ZNF516: variants seen among roughly 807,000 people sequenced by gnomAD.
ZNF516 encodes the protein zinc finger protein 516.
Under a neutral mutation model 79.7 loss-of-function variants are expected in ZNF516, and 19 were observed. The observed-to-expected ratio is 0.24, with a 90% CI of 0.17 to 0.35. The LOEUF (loss-of-function observed/expected upper bound fraction) is 0.35. Ranked by LOEUF, ZNF516 falls within the 10% of genes least tolerant of loss-of-function variation. The pLI is 1.00. For synonymous variants in ZNF516, 877 were observed against 739.5 expected (o/e 1.19, Z -3.02); for missense variants, 1,678 against 1,679.5 (o/e 1.00, Z 0.02).
intron 1 of ZNF516, among the ~76,000 whole-genome samples, chr18:76,469,940 C>T (rs1229785701): frequency 1.3e-5 from 2 of 152,146 alleles, no homozygotes; most frequent in East Asian, 1.9e-4. Flanking sequence ...TAAAATTGTA[C>T]TCAGGAAATC....
chr18:76,362,767 G>A (rs1374953371), intron 6 of ZNF516, among the ~76,000 whole-genome samples: 2 of 152,166 alleles, frequency 1.3e-5, no homozygotes, highest in Non-Finnish European at 2.9e-5. Flanking sequence ...GTGCCTTCCT[G>A]CCTTAAAGAG....
chr18:76,421,496 C>T (rs1415053101), intron 3 of ZNF516, among the ~76,000 whole-genome samples: 2 of 152,204 alleles, frequency 1.3e-5, no homozygotes, highest in South Asian at 2.1e-4. Flanking sequence ...GCTGAGCCCC[C>T]GTGAGTTCTG....
intron 6 of ZNF516, among the ~76,000 whole-genome samples, chr18:76,366,751 C>T (rs185624055): frequency 3.0e-4 from 46 of 152,318 alleles, no homozygotes; most frequent in Non-Finnish European, 6.0e-4. Context: ...GACAAGAGGT[C>T]ACACTGAATG....
intron 3 of ZNF516, among the ~76,000 whole-genome samples, chr18:76,438,409 T>C (rs1027045986): frequency 4.6e-5 from 7 of 152,194 alleles, no homozygotes; most frequent in Non-Finnish European, 1.5e-5. Context: ...TTAGATGCCC[T>C]TTCACCCCTC....
chr18:76,441,259 G>T lies in ZNF516; in HGVS notation c.1796C>A (p.Pro599His). ...AAEDSGEEGA[P>H]EPAPGGQPRR... ...CACTTGCTCACCTGGTGCAGGTTCA[G>T]GGGCGCCCTCCTCACCACTGTCTTC... Residue 599 changes from proline to histidine, a missense_variant, in exon 3 of 7, where the codon CCT becomes CAT. By Grantham distance (77) the Pro-to-His change is moderately conservative (BLOSUM62 -2). Around this residue, in one of 5 missense-constraint regions of ZNF516, gnomAD observed 1,294 missense variants for 1,248.3 expected, o/e 1.04. Coordinates refer to ENST00000443185, the MANE Select transcript of ZNF516 (RefSeq NM_014643.4). 1 of 1,610,102 alleles carries T rather than the reference G, an allele frequency of 6.2e-7. No homozygotes were observed. Among genetic ancestry groups the T allele is most frequent in the Non-Finnish European group, 8.5e-7 (1 of 1,179,042 alleles).
At chr18:76,402,581 A>G (rs545338016) in intron 3 of ZNF516, among the ~76,000 whole-genome samples, 1 of 152,280 alleles carries the variant, frequency 6.6e-6, no homozygotes, top group East Asian at 1.9e-4. Context: ...CTTCTCCAAG[A>G]ACACAACTTA....
At chr18:76,487,986 G>A (rs937234350) in intron 1 of ZNF516, 5 of 985,246 alleles carry the variant, frequency 5.1e-6, no homozygotes, top group Non-Finnish European at 4.8e-6. Flanking sequence ...CCAGCCCAAG[G>A]GGAACCTAAC....
At chr18:76,449,060 T>C (rs1912238080) in intron 2 of ZNF516, among the ~76,000 whole-genome samples, 1 of 152,042 alleles carries the variant, frequency 6.6e-6, no homozygotes, top group African/African-American at 2.4e-5. Flanking sequence ...TCCCTCCCCA[T>C]CTCAGCAGTG....
chr18:76,377,668 G>A (rs1475650186), intron 4 of ZNF516, among the ~76,000 whole-genome samples: 1 of 151,866 alleles, frequency 6.6e-6, no homozygotes, highest in Non-Finnish European at 1.5e-5. Context: ...CTGGATCTCA[G>A]ATGTTCTAAT....
At position 76,380,098 on chromosome 18, in the gene ZNF516, G is replaced by A. The variant is rs767779588; in HGVS notation, c.2016C>T (p.Asp672=). The A allele has an allele frequency of 1.9e-6, 3 of 1,613,816 alleles. No individual in the cohort carries two copies. The highest frequency in any genetic ancestry group is 2.5e-6 in the Non-Finnish European group (3 of 1,179,896). The change falls in exon 4 of 7, where the codon GAC becomes GAT. Residue 672 remains aspartate, a synonymous_variant. Transcript: ENST00000443185. ...TGGGGTGAAATGCTGGCATCTTTAA[G>A]TCCATAGAAAATCTGTGCTGCTCTT... ...RRQEQHRFSM[D]LKMPAFHPKQ...
Position 76,379,980 on chromosome 18 carries a change from C to T in ZNF516, c.2134G>A (p.Asp712Asn), listed in dbSNP as rs553006020. The T allele has an allele frequency of 6.2e-6, 10 of 1,613,980 alleles. No individual in the cohort carries two copies. The highest frequency in any genetic ancestry group is 4.5e-5 in the East Asian group (2 of 44,868). Residue 712 changes from aspartate (D) to asparagine (N), a missense_variant, in exon 4 of 7, where the codon GAT (aspartate) becomes AAT (asparagine). Asp to Asn is a conservative substitution (Grantham distance 23, BLOSUM62 1). Coordinates refer to ENST00000443185, the MANE Select transcript of ZNF516 (RefSeq NM_014643.4). ...CCAGAGTGTTCCTTGTTGTGCAAATCGGACAGCTTTTCTGCAGGGTGACCC... is the reference window on the plus strand; with the variant it reads ...CCAGAGTGTTCCTTGTTGTGCAAATTGGACAGCTTTTCTGCAGGGTGACCC... ...QTGHPAEKLS[D>N]LHNKEHSGGG...
At chr18:76,418,341 G>A (rs1293316994) in intron 3 of ZNF516, among the ~76,000 whole-genome samples, 2 of 151,132 alleles carry the variant, frequency 1.3e-5, no homozygotes, top group Non-Finnish European at 2.9e-5. Flanking sequence ...ACTATAACAC[G>A]CTGTGACATA....
chr18:76,465,486 C>A (rs994812741), intron 1 of ZNF516, among the ~76,000 whole-genome samples: 1 of 152,164 alleles, frequency 6.6e-6, no homozygotes. Flanking sequence ...GGACAGCACA[C>A]GGGAGAAATG....
chr18:76,406,805 C>A (rs898293876), intron 3 of ZNF516, among the ~76,000 whole-genome samples: 2 of 152,206 alleles, frequency 1.3e-5, no homozygotes, highest in Non-Finnish European at 2.9e-5. Flanking sequence ...ACAGAATCCA[C>A]TGACGGCCCA....
At chr18:76,423,443 C>T (rs2075535661) in intron 3 of ZNF516, among the ~76,000 whole-genome samples, 1 of 151,602 alleles carries the variant, frequency 6.6e-6, no homozygotes. Context: ...TGAAAAGGTT[C>T]CTCCTGAAAC....
At position 76,357,964 on chromosome 18, in the gene ZNF516, T is replaced by C. The variant is rs1472816841; in HGVS notation, c.*4534A>G. 1.3e-5 allele frequency among the ~76,000 whole-genome samples: 2 copies of C among 152,198 alleles called. No homozygotes were observed. The highest frequency in any genetic ancestry group is 3.8e-4 in the East Asian group (2 of 5,202). The stretch of plus-strand genomic sequence containing the variant: ...AAACACAGCGTCTCCATTAAAAAAC[T>C]GTATGTCCTCGAGTCCACAAAAGAG... On this transcript the variant is annotated 3_prime_UTR_variant, in exon 7 of 7. Transcript: ENST00000443185.
intron 2 of ZNF516, among the ~76,000 whole-genome samples, chr18:76,456,803 C>T (rs1912756469): frequency 6.6e-6 from 1 of 152,244 alleles, no homozygotes; most frequent in Admixed American, 6.5e-5. Flanking sequence ...CTCAGCTTTA[C>T]ACTTAAAATC....
At chr18:76,422,254 G>C (rs1218783890) in intron 3 of ZNF516, among the ~76,000 whole-genome samples, 1 of 152,156 alleles carries the variant, frequency 6.6e-6, no homozygotes, top group East Asian at 1.9e-4. Flanking sequence ...GACAGCTCCT[G>C]CCACAGCCAC....
intron 2 of ZNF516, among the ~76,000 whole-genome samples, chr18:76,446,256 G>A (rs1360022255): frequency 6.6e-6 from 1 of 152,140 alleles, no homozygotes; most frequent in Non-Finnish European, 1.5e-5. Flanking sequence ...ACAGCATCCA[G>A]ACCCCAGGGA....
Sources: allele counts gnomAD v4.1 joint callset (sites outside exome capture counted in the v4.1 genomes callset), GRCh38; gene constraint gnomAD v4.1.1; regional missense constraint gnomAD v4.1.1; transcripts MANE v1.5; gene names NCBI Gene and HGNC (gene_info 2026-07-23, HGNC 2026-07-21).